The following RAPGEF1 variants were observed in gnomAD, a reference collection of about 807,000 sequenced individuals.
RAPGEF1 encodes the protein CRK SH3-binding GNRP.
RAPGEF1 carries 33 observed loss-of-function variants against 143.3 expected under a neutral mutation model. That is an observed-to-expected ratio of 0.23 (90% CI 0.17 to 0.31). The LOEUF (loss-of-function observed/expected upper bound fraction) is 0.31. RAPGEF1 is among the 10% of genes least tolerant of loss of function. The pLI, the probability that RAPGEF1 is intolerant of heterozygous loss-of-function variation, is 1.00. For synonymous variants in RAPGEF1, 629 were observed against 676.5 expected (o/e 0.93, Z 1.09); for missense variants, 1,199 against 1,645.4 (o/e 0.73, Z 4.69).
chr9:131,630,334 C>A lies in RAPGEF1; in HGVS notation c.652-10G>T, dbSNP rs1375410736. 1.2e-6 allele frequency: 2 copies of A among 1,612,518 alleles called. No individual in the cohort carries two copies. The highest frequency in any genetic ancestry group is 3.3e-5 in the Admixed American group (2 of 59,888). On this transcript the variant is annotated splice_polypyrimidine_tract_variant and intron_variant, in intron 5 of 26. Coordinates refer to ENST00000683357, the MANE Select transcript of RAPGEF1 (RefSeq NM_001377935.1). The stretch of plus-strand genomic sequence containing the variant: ...TGAGCCTGACCAGCTCCTACCCCCA[C>A]AAGAAAAAGGCAATGAGCAAAGCTC...
In RAPGEF1 at chr9:131,605,022, C is replaced by T. The variant is rs1956884138; in HGVS notation, c.2228G>A (p.Ser743Asn). 1 of 1,362,260 alleles carries T rather than the reference C, an allele frequency of 7.3e-7. No individual in the cohort carries two copies. The highest frequency in any genetic ancestry group is 1.5e-5 in the African/African-American group (1 of 67,650). The allele number at this position is 1,362,260 out of a possible 1,614,324, so 84.4% of individuals were successfully genotyped here. ...AGCCGAGAGAGGCCCGTCCACGGTGCTGGGAGGTGGACCGGCCATGGTTGG... is the reference window on the plus strand; with the variant it reads ...AGCCGAGAGAGGCCCGTCCACGGTGTTGGGAGGTGGACCGGCCATGGTTGG... The part of the protein sequence containing the change: ...AVPTMAGPPP[S>N]TVDGPLSASQ... Residue 743 changes from serine (S) to asparagine (N), a missense_variant, in exon 13 of 27, where the codon AGC (serine) becomes AAC (asparagine). Around this residue, in one of 6 missense-constraint regions of RAPGEF1, gnomAD observed 293 missense variants for 356.2 expected, o/e 0.82. Transcript: ENST00000683357.
At chr9:131,666,516 A>C (rs1289264728) in intron 1 of RAPGEF1, among the ~76,000 whole-genome samples, 1 of 151,930 alleles carries the variant, frequency 6.6e-6, no homozygotes, top group African/African-American at 2.4e-5. Context: ...CCTCCTGAGT[A>C]GCGGGGACTA....
rs1296466923 is a variant in RAPGEF1, at chr9:131,618,979, C to A, written c.2061+72G>T. 5.6e-6 allele frequency: 7 copies of A among 1,259,186 alleles called. No individual in the cohort carries two copies. In the African/African-American group the frequency reaches 1.1e-4, roughly 19 times the overall value. The allele number at this position is 1,259,186 out of a possible 1,614,324, so 78.0% of individuals were successfully genotyped here. ...CCGCGACGGGCAGCAGAACACATGGCTGAGGCACACGCTTCCAAGGAACGG... is the reference window on the plus strand; with the variant it reads ...CCGCGACGGGCAGCAGAACACATGGATGAGGCACACGCTTCCAAGGAACGG... On this transcript the variant is annotated intron_variant, in intron 12 of 26. Coordinates refer to ENST00000683357, the MANE Select transcript of RAPGEF1 (RefSeq NM_001377935.1).
rs1834805501 is a variant in RAPGEF1 at position 131,703,325 on chromosome 9, T to A, written c.61+36445A>T. ...ATTTATGTCTTTTAGGCTTAGCCAC[T>A]CAACATGCATTTTCTTGTTTGCATT... On this transcript the variant is annotated intron_variant, in intron 1 of 26. Coordinates refer to ENST00000683357, the MANE Select transcript of RAPGEF1 (RefSeq NM_001377935.1). Among the ~76,000 whole-genome samples the A allele has an allele frequency of 2.0e-5, 3 of 152,334 alleles. No homozygotes were observed. In the South Asian group the frequency reaches 6.2e-4, roughly 32 times the overall value.
chr9:131,581,107 C>G lies in RAPGEF1; in HGVS notation c.3513-716G>C, dbSNP rs1030074417. Among the ~76,000 whole-genome samples, 3 of 151,480 alleles carry G rather than the reference C, an allele frequency of 2.0e-5. No homozygotes were observed. In the East Asian group the frequency reaches 5.8e-4, roughly 29 times the overall value. ...CAGTGAGCCAAGATTGCGCCACTGCCTGGGTAACAAGAACGTAACAAGAAC... is the reference window on the plus strand; with the variant it reads ...CAGTGAGCCAAGATTGCGCCACTGCGTGGGTAACAAGAACGTAACAAGAAC... On this transcript the variant is annotated intron_variant, in intron 25 of 26. Transcript: ENST00000683357.
At position 131,605,135 on chromosome 9, in the gene RAPGEF1, A is replaced by C. The variant is rs778582143; in HGVS notation, c.2115T>G (p.Ala705=). 2.1e-5 allele frequency: 28 copies of C among 1,363,190 alleles called. No homozygotes were observed. The highest frequency in any genetic ancestry group is 2.7e-5 in the Non-Finnish European group (28 of 1,020,260). The allele number at this position is 1,363,190 out of a possible 1,614,324, so 84.4% of individuals were successfully genotyped here. Residue 705 remains alanine, a synonymous_variant, in exon 13 of 27, where the codon GCT becomes GCG. Transcript: ENST00000683357. ...YSQDFVPHHQ[A]SVPPFLPPTS... is the part of the protein sequence containing the mutation. ...TAGGCGGAAGGAAAGGCGGAACGGA[A>C]GCTTGGTGGTGAGGCACGAAATCCT...
At chr9:131,697,221 T>G (rs573279140) in intron 1 of RAPGEF1, among the ~76,000 whole-genome samples, 8 of 152,102 alleles carry the variant, frequency 5.3e-5, no homozygotes, top group African/African-American at 1.9e-4. Context: ...CACACTCAGC[T>G]GGCTGGGATC....
rs748251649 is a variant in RAPGEF1, at chr9:131,584,500, G to T, written c.3312+18C>A. On this transcript the variant is annotated intron_variant, in intron 23 of 26. Transcript: ENST00000683357. This position sits in a 1 kb window ranked among gnomAD's most constrained non-coding sequence, Gnocchi z 6.8. The stretch of plus-strand genomic sequence containing the variant: ...GGGACTGATGATGGGGGCCTGGGAA[G>T]GACTTGGCCACCATTACCTTCATGA... 2 of 1,613,846 alleles carry T rather than the reference G, an allele frequency of 1.2e-6. No homozygotes were observed. Among genetic ancestry groups the T allele is most frequent in the Non-Finnish European group, 1.7e-6 (2 of 1,179,706 alleles).
At chr9:131,663,989 A>G (rs1325912315) in intron 1 of RAPGEF1, among the ~76,000 whole-genome samples, 1 of 152,170 alleles carries the variant, frequency 6.6e-6, no homozygotes, top group Non-Finnish European at 1.5e-5. Flanking sequence ...ATTCCTTTAT[A>G]AGTAATAGGC....
chr9:131,645,196 G>A (rs1042036223), intron 3 of RAPGEF1, among the ~76,000 whole-genome samples: 7 of 152,238 alleles, frequency 4.6e-5, no homozygotes, highest in African/African-American at 1.7e-4. Flanking sequence ...ACCTGAGTGT[G>A]AAGGAGTCGC....
At chr9:131,700,443 C>A (rs138994438) in intron 1 of RAPGEF1, among the ~76,000 whole-genome samples, 2 of 152,180 alleles carry the variant, frequency 1.3e-5, no homozygotes, top group Non-Finnish European at 2.9e-5. Flanking sequence ...ATCCAAAAGC[C>A]TACATATTAT....
intron 10 of RAPGEF1, among the ~76,000 whole-genome samples, chr9:131,623,817 C>T (rs1397022475): frequency 2.0e-5 from 3 of 152,218 alleles, no homozygotes; most frequent in Non-Finnish European, 1.5e-5. Context: ...GATGAGGACA[C>T]GTCGTGACAT....
rs1216761138 is a variant in RAPGEF1 at position 131,602,111 on chromosome 9, G to A, written c.2451C>T (p.Pro817=). 1.9e-6 allele frequency: 3 copies of A among 1,601,770 alleles called. No individual in the cohort carries two copies. Among genetic ancestry groups the A allele is most frequent in the Non-Finnish European group, 2.6e-6 (3 of 1,174,858 alleles). The change falls in exon 15 of 27, where the codon CCC becomes CCT. Residue 817 remains proline, a synonymous_variant. Transcript: ENST00000683357. The stretch of plus-strand genomic sequence containing the variant: ...TCCCAGGGACGCCGCTGACCGCTGA[G>A]GGATCTCTGGGATGTCCGTCTTTCC... The part of the protein sequence containing the change: ...PAGKDGHPRD[P]SAVSGVPGKD...
At chr9:131,589,713 G>C (rs771288719) in intron 19 of RAPGEF1, among the ~76,000 whole-genome samples, 173 bp downstream of exon 19, 1 of 152,184 alleles carries the variant, frequency 6.6e-6, no homozygotes, top group Non-Finnish European at 1.5e-5. Context: ...GCAGGGTGGA[G>C]AGACACCTCA....
intron 1 of RAPGEF1, among the ~76,000 whole-genome samples, chr9:131,706,421 C>T (rs11243478): frequency 0.088 from 13,343 of 152,082 alleles, 725 homozygotes; most frequent in East Asian, 0.26. Flanking sequence ...CGCCACCATG[C>T]CTGGTTAATT....
intron 1 of RAPGEF1, among the ~76,000 whole-genome samples, chr9:131,720,346 A>C (rs571121808): frequency 6.6e-6 from 1 of 152,358 alleles, no homozygotes; most frequent in East Asian, 1.9e-4. Context: ...GCAACCTTTT[A>C]TCTTACAGGT....
intron 1 of RAPGEF1, among the ~76,000 whole-genome samples, chr9:131,699,771 TCTC>T (rs1330525219): frequency 6.6e-6 from 1 of 152,124 alleles, no homozygotes. Flanking sequence ...TGCTCCCTCA[TCTC>T]CTCCACCTCC....
At chr9:131,721,356 G>A (rs907057426) in intron 1 of RAPGEF1, among the ~76,000 whole-genome samples, 1 of 152,152 alleles carries the variant, frequency 6.6e-6, no homozygotes, top group African/African-American at 2.4e-5. Context: ...CTGTCAGCAC[G>A]GTGATCCTCA....
At chr9:131,739,705 CG>C in intron 1 of RAPGEF1, 64 bp downstream of exon 1, 3 of 1,023,686 alleles carry the variant, frequency 2.9e-6, no homozygotes, top group Non-Finnish European at 3.5e-6. Flanking sequence ...GCGCTCGGCC[CG>C]GGGAGCGGCG....
Sources: allele counts gnomAD v4.1 joint callset (sites outside exome capture counted in the v4.1 genomes callset), GRCh38; gene constraint gnomAD v4.1.1; regional missense constraint gnomAD v4.1.1; non-coding constraint Gnocchi (gnomAD v3.1); transcripts MANE v1.5; gene names NCBI Gene and HGNC (gene_info 2026-07-23, HGNC 2026-07-21).